Variants in NPEPL1 observed in about 807,000 individuals in gnomAD.
NPEPL1 encodes aminopeptidase like 1.
In NPEPL1, 45 loss-of-function variants were observed where a neutral mutation model predicts 52.4. That is an observed-to-expected ratio of 0.86 (90% CI 0.68 to 1.10). The LOEUF is 1.10. Ranked by LOEUF, NPEPL1 falls within the 50% of genes least tolerant of loss-of-function variation. The probability of loss-of-function intolerance (pLI) is 0.00; values close to 1 mark genes in which losing one functional copy is unlikely to be tolerated. For missense variants in NPEPL1, 696 were observed against 710.9 expected, an observed-to-expected ratio of 0.98 and a Z score of 0.24; for synonymous variants, 360 against 314.7, an observed-to-expected ratio of 1.14 and a Z score of -1.52.
chr20:58,697,253 C>T (rs989933196), intron 3 of NPEPL1, among the ~76,000 whole-genome samples: 1 of 152,262 alleles, frequency 6.6e-6, no homozygotes, highest in African/African-American at 2.4e-5. Flanking sequence ...ACCCGCAGCC[C>T]TGCCCTCCCT....
intron 7 of NPEPL1, 124 bp from the exon 8 acceptor site, chr20:58,712,355 C>T (rs2084866666): frequency 3.0e-6 from 2 of 672,746 alleles, no homozygotes; most frequent in South Asian, 1.7e-5. Flanking sequence ...GAGCTTTGGT[C>T]CCTGCAACTT....
intron 8 of NPEPL1, 123 bp downstream of exon 8, chr20:58,712,702 C>T (rs1445834568): frequency 4.0e-6 from 3 of 759,288 alleles, no homozygotes; most frequent in Non-Finnish European, 7.0e-6. Flanking sequence ...CCCTGGGCAG[C>T]AGGCTCCTTG....
In NPEPL1 at chr20:58,709,340, C is replaced by A. The variant is rs142816655; in HGVS notation, c.900+2140C>A. Among the ~76,000 whole-genome samples, 405 of 152,242 alleles carry A rather than the reference C, an allele frequency of 2.7e-3. 1 individual carries two copies. The highest frequency in any genetic ancestry group is 9.3e-3 in the African/African-American group (386 of 41,528). ...CAATCCTCAGGGTAATGCATTTACC[C>A]AGAGAATAAAATCAGCATCCACGTG... is the stretch of plus-strand genomic sequence containing the variant. On this transcript the variant is annotated intron_variant, in intron 7 of 11. Transcript: ENST00000356091.
chr20:58,715,380 T>C lies in NPEPL1; in HGVS notation c.*54T>C. On this transcript the variant is annotated 3_prime_UTR_variant, in exon 12 of 12. Transcript: ENST00000356091. ...GATCTTTTACCTCACTTTGCACTGA[T>C]TAATTTTAAGCAATTGAAAGATTGC... 7 of 1,491,232 alleles carry C rather than the reference T, an allele frequency of 4.7e-6. No homozygotes were observed. The highest frequency in any genetic ancestry group is 6.3e-6 in the Non-Finnish European group (7 of 1,117,290). 92.4% of individuals were successfully genotyped at this position (1,491,232 alleles called of 1,614,324 possible).
In NPEPL1 at chr20:58,693,808, C is replaced by T. The variant is rs2084404047; in HGVS notation, c.222C>T (p.Ala74=). The T allele has an allele frequency of 1.2e-6, 2 of 1,613,812 alleles. No homozygotes were observed. The highest frequency in any genetic ancestry group is 1.6e-4 in the Middle Eastern group (1 of 6,062). ...GCTGTCCCCTCTACCTGAACTACGC[C>T]ACCGTGGCTGCCCTGCCCTGCAGGG... The part of the protein sequence containing the change: ...TDSCPLYLNY[A]TVAALPCRVS... Residue 74 remains alanine (A), a synonymous_variant, in exon 2 of 12, where the codon GCC becomes GCT. Transcript: ENST00000356091.
chr20:58,695,018 TGTGTGTGTGTGGTATG>T (rs2084437782), intron 3 of NPEPL1, among the ~76,000 whole-genome samples: 1 of 18,114 alleles, frequency 5.5e-5, no homozygotes, highest in Non-Finnish European at 1.2e-4. Context: ...GTGTGATGTG[TGTGTGTGTGTGGTATG>T]TGTTGCTGTG....
rs916746089 is a variant in NPEPL1 at position 58,704,272 on chromosome 20, C to G, written c.823-2851C>G. The G allele has an allele frequency of 3.1e-6, 3 of 976,570 alleles. No homozygotes were observed. The African/African-American group carries it at 5.3e-5, about 17-fold the overall frequency. 60.5% of individuals were successfully genotyped at this position (976,570 alleles called of 1,614,324 possible). Reference sequence around the variant, plus strand: ...AGCAAGCCGGCTGGAGCCAGCCCAGCTCCCAGTTTTGCAAGAAAAAAAAAA... The same window carrying G: ...AGCAAGCCGGCTGGAGCCAGCCCAGGTCCCAGTTTTGCAAGAAAAAAAAAA... On this transcript the variant is annotated intron_variant, in intron 6 of 11. Coordinates refer to ENST00000356091, the MANE Select transcript of NPEPL1 (RefSeq NM_024663.4).
intron 3 of NPEPL1, among the ~76,000 whole-genome samples, chr20:58,698,195 A>G (rs2084530285): frequency 1.3e-5 from 2 of 151,788 alleles, no homozygotes. Context: ...GGTGGGGAGG[A>G]TCTGGAAAAG....
In NPEPL1 at chr20:58,713,928, A is replaced by C; in HGVS notation, c.1137A>C (p.Thr379=). The change falls in exon 10 of 12, where the codon ACA becomes ACC. Residue 379 remains threonine (T), a synonymous_variant. Transcript: ENST00000356091. The surrounding 1 kb of genome is among the most constrained non-coding windows in gnomAD (Gnocchi z 4.6). ...ATLTGAQGIA[T]GKYHAAVLTN... ...TCCTGCCCGCCCAGGGCATTGCCAC[A>C]GGGAAGTACCACGCCGCGGTGCTCA... is the stretch of plus-strand genomic sequence containing the variant. The C allele has an allele frequency of 6.8e-7, 1 of 1,480,726 alleles. No individual in the cohort carries two copies. 91.7% of individuals were successfully genotyped at this position (1,480,726 alleles called of 1,614,324 possible).
At chr20:58,706,451 A>G (rs1469419036) in intron 6 of NPEPL1, among the ~76,000 whole-genome samples, 1 of 152,190 alleles carries the variant, frequency 6.6e-6, no homozygotes, top group East Asian at 1.9e-4. Context: ...AAGCCCTCTA[A>G]GTGCCAGGGA....
intron 7 of NPEPL1, among the ~76,000 whole-genome samples, chr20:58,708,687 G>A (rs538899587): frequency 7.2e-4 from 109 of 152,306 alleles, no homozygotes; most frequent in African/African-American, 2.5e-3. Flanking sequence ...CATAGGCCAC[G>A]GGGCAGGGTG....
chr20:58,691,207 T>C (rs2084336783), upstream of NPEPL1: 1 of 702,418 alleles, frequency 1.4e-6, no homozygotes, highest in Admixed American at 2.0e-5. Flanking sequence ...GAAAAAAGAG[T>C]GAGAGATCTT....
chr20:58,702,526 AG>A (rs1237299849), intron 6 of NPEPL1, among the ~76,000 whole-genome samples: 12 of 152,264 alleles, frequency 7.9e-5, no homozygotes, highest in South Asian at 2.1e-4. Context: ...AATCATAAAA[AG>A]GGTTTTTTGT....
rs937283065 is a variant in NPEPL1, at chr20:58,693,765, A to T, written c.179A>T (p.Asn60Ile). 1 of 1,612,224 alleles carries T rather than the reference A, an allele frequency of 6.2e-7. No homozygotes were observed. Among genetic ancestry groups the T allele is most frequent in the Admixed American group, 1.7e-5 (1 of 59,916 alleles). The part of the protein sequence containing the change: ...ELWQAALSTL[N>I]PNPTDSCPLY... ...TGGCAGGCTGCCCTGAGCACGCTCA[A>T]CCCCAACCCCACGGACAGCTGTCCC... The change falls in exon 2 of 12, where the codon AAC becomes ATC. Residue 60 changes from asparagine to isoleucine, a missense_variant. Physicochemically the swap from Asn to Ile is moderately radical, Grantham distance 149. Transcript: ENST00000356091.
chr20:58,710,277 C>T (rs541243593), intron 7 of NPEPL1, among the ~76,000 whole-genome samples: 21 of 152,244 alleles, frequency 1.4e-4, no homozygotes, highest in Admixed American at 3.9e-4. Flanking sequence ...TCAAGTGATC[C>T]GCCCACCTCA....
At chr20:58,700,039 C>T (rs1304021098) in intron 5 of NPEPL1, among the ~76,000 whole-genome samples, 1 of 152,200 alleles carries the variant, frequency 6.6e-6, no homozygotes, top group African/African-American at 2.4e-5. Flanking sequence ...TCCGGGCAGG[C>T]TCACAACAGG....
chr20:58,712,933 C>T (rs1472505131), intron 8 of NPEPL1: 1 of 392,036 alleles, frequency 2.6e-6, no homozygotes, highest in Non-Finnish European at 4.9e-6. Flanking sequence ...TCCTGCATCT[C>T]CCCCTTGAGA....
chr20:58,700,908 GCGGCTCTCCAGGAGAAACACCAGC>G (rs1241178926), intron 5 of NPEPL1, 84 bp from the exon 6 acceptor site: 1 of 1,188,548 alleles, frequency 8.4e-7, no homozygotes, highest in African/African-American at 1.6e-5. Flanking sequence ...GCTCAGGCAG[GCGGCTCTCCAGGAGAAACACCAGC>G]CGGCCAGAGT....
chr20:58,697,001 C>T (rs6128407), intron 3 of NPEPL1, among the ~76,000 whole-genome samples: 46,880 of 152,156 alleles, frequency 0.31, 8,197 homozygotes, highest in Non-Finnish European at 0.39. Flanking sequence ...TTCTTCCCTG[C>T]GGGAACCTTC....
Sources: allele counts gnomAD v4.1 joint callset (sites outside exome capture counted in the v4.1 genomes callset), GRCh38; gene constraint gnomAD v4.1.1; non-coding constraint Gnocchi (gnomAD v3.1); transcripts MANE v1.5; gene names NCBI Gene and HGNC (gene_info 2026-07-23, HGNC 2026-07-21).